The following COL4A6 variants were observed in gnomAD, a reference collection of about 807,000 sequenced individuals.
The protein encoded by COL4A6 is collagen alpha-6(IV) chain.
COL4A6 carries 59 observed loss-of-function variants against 126.7 expected under a neutral mutation model. The observed-to-expected ratio is 0.47, with a 90% CI of 0.38 to 0.58. COL4A6 has a LOEUF of 0.58. COL4A6 is among the 20% of genes least tolerant of loss of function. The pLI, the probability that COL4A6 is intolerant of heterozygous loss-of-function variation, is 0.00. For synonymous variants in COL4A6, 547 were observed against 496.6 expected, an observed-to-expected ratio of 1.10 and a Z score of -1.35; for missense variants, 1,285 against 1,337.3, an observed-to-expected ratio of 0.96 and a Z score of 0.61.
Position 108,318,141 on chromosome X carries a change from G to T in COL4A6, c.64-7313C>A, listed in dbSNP as rs1439406571. 2.7e-5 allele frequency among the ~76,000 whole-genome samples: 3 copies of T among 111,778 alleles called. No individual in the cohort carries two copies. In the East Asian group the frequency reaches 8.4e-4, roughly 31 times the overall value. ...CAAAAACCACATGTTTATCTCAATA[G>T]ATGCAGAAAAGGCCTTTGACAAAAT... is the stretch of plus-strand genomic sequence containing the variant. On this transcript the variant is annotated intron_variant, in intron 2 of 44. Coordinates refer to ENST00000334504, the MANE Select transcript of COL4A6 (RefSeq NM_033641.4).
intron 2 of COL4A6, among the ~76,000 whole-genome samples, chrX:108,414,642 AG>A (rs1221430264): frequency 9.3e-6 from 1 of 107,258 alleles, no homozygotes; most frequent in Admixed American, 1.0e-4. Context: ...AAAAAGAAGA[AG>A]AAGCTGAGCA....
intron 3 of COL4A6, among the ~76,000 whole-genome samples, chrX:108,252,380 C>G (rs1336615469): frequency 9.0e-6 from 1 of 111,612 alleles, no homozygotes; most frequent in Non-Finnish European, 1.9e-5. Flanking sequence ...ATTCATTTAA[C>G]CTTTGATGAA....
At chrX:108,425,443 T>C (rs2064059559) in intron 2 of COL4A6, among the ~76,000 whole-genome samples, 1 of 110,494 alleles carries the variant, frequency 9.1e-6, no homozygotes. Context: ...AAGACTTCTA[T>C]AGCTCTCAGG....
At chrX:108,207,723 T>C (rs2035588858) in intron 8 of COL4A6, among the ~76,000 whole-genome samples, 1 of 111,696 alleles carries the variant, frequency 9.0e-6, no homozygotes, top group Non-Finnish European at 1.9e-5. Flanking sequence ...ACTTTTTACA[T>C]AGTATTTACA....
intron 3 of COL4A6, among the ~76,000 whole-genome samples, chrX:108,232,273 TTCCCTTTTGTGA>T (rs1352689455): frequency 8.9e-6 from 1 of 112,038 alleles, no homozygotes; most frequent in Non-Finnish European, 1.9e-5. Flanking sequence ...CATATCAAAC[TTCCCTTTTGTGA>T]TATTTAATGG....
intron 2 of COL4A6, among the ~76,000 whole-genome samples, chrX:108,420,606 C>T (rs1358072791): frequency 8.9e-6 from 1 of 111,780 alleles, no homozygotes; most frequent in African/African-American, 3.3e-5. Flanking sequence ...CCTTAAAATA[C>T]TGTAGGATTC....
At chrX:108,369,670 T>C (rs1401256092) in intron 2 of COL4A6, among the ~76,000 whole-genome samples, 1 of 112,272 alleles carries the variant, frequency 8.9e-6, no homozygotes, top group African/African-American at 3.2e-5. Flanking sequence ...AACCTAAGGA[T>C]TGCAAATGGT....
At chrX:108,263,938 T>C (rs900394974) in intron 3 of COL4A6, among the ~76,000 whole-genome samples, 1 of 111,394 alleles carries the variant, frequency 9.0e-6, no homozygotes, top group Non-Finnish European at 1.9e-5. Flanking sequence ...TGTGGCCTCA[T>C]AATTCTTCTC....
At position 108,438,309 on chromosome X, in the gene COL4A6, A is replaced by G; in HGVS notation, c.-113T>C. ...GCTGTTTCCTTACTCAGAACAGAGT[A>G]GGTGGACGAAGTGGCCCAGTTTGGA... On this transcript the variant is annotated 5_prime_UTR_variant, in exon 1 of 45. Transcript: ENST00000334504. 9.1e-7 allele frequency: 1 copy of G among 1,100,015 alleles called. No individual in the cohort carries two copies. The highest frequency in any genetic ancestry group is 1.2e-6 in the Non-Finnish European group (1 of 842,314). The allele number at this position is 1,100,015 out of a possible 1,213,427, so 90.7% of individuals were successfully genotyped here. A position where few individuals can be genotyped will look rare whatever the true frequency, so the allele number is the denominator to read the frequency against.
At chrX:108,379,435 CTTTTTTT>C (rs1163909665) in intron 2 of COL4A6, among the ~76,000 whole-genome samples, 22 of 76,957 alleles carry the variant, frequency 2.9e-4, no homozygotes, top group African/African-American at 7.9e-4. Context: ...AATTAAAAAA[CTTTTTTT>C]TTTTTTTTTT....
intron 3 of COL4A6, among the ~76,000 whole-genome samples, chrX:108,307,434 T>C (rs958626327): frequency 8.9e-6 from 1 of 112,315 alleles, no homozygotes; most frequent in Non-Finnish European, 1.9e-5. Context: ...TAGGGACTTT[T>C]ACCAGGCAGG....
chrX:108,340,839 G>A (rs1410616610), intron 2 of COL4A6, among the ~76,000 whole-genome samples: 1 of 26,491 alleles, frequency 3.8e-5, no homozygotes, highest in African/African-American at 1.2e-4. Context: ...CTAGTGGGGT[G>A]GGGGGGGGGA....
chrX:108,176,189 G>A (rs1384633528), intron 28 of COL4A6, among the ~76,000 whole-genome samples: 1 of 109,454 alleles, frequency 9.1e-6, no homozygotes, highest in African/African-American at 3.3e-5. Context: ...GCTGGGCGTG[G>A]TAGCGGGTGC....
At chrX:108,288,492 G>A (rs1174744739) in intron 3 of COL4A6, among the ~76,000 whole-genome samples, 1 of 111,496 alleles carries the variant, frequency 9.0e-6, no homozygotes, top group Non-Finnish European at 1.9e-5. Flanking sequence ...ACTAGGCTAA[G>A]TTCTAGACAT....
intron 2 of COL4A6, among the ~76,000 whole-genome samples, chrX:108,426,441 T>C (rs763573309): frequency 9.0e-6 from 1 of 111,507 alleles, no homozygotes; most frequent in Non-Finnish European, 1.9e-5. Context: ...AATGGCAAAC[T>C]AGCCTTATTG....
intron 2 of COL4A6, among the ~76,000 whole-genome samples, chrX:108,343,163 A>AGTGTGTG (rs1417437971): frequency 1.3e-3 from 41 of 32,474 alleles, no homozygotes; most frequent in African/African-American, 3.0e-3. Context: ...ATATATATAT[A>AGTGTGTG]TAGTGTGTGT....
At position 108,159,500 on chromosome X, in the gene COL4A6, C is replaced by T. The variant is rs760770954; in HGVS notation, c.4774G>A (p.Gly1592Ser). ...TACCCAATCCAGAGGCTGCGCCAGC[C>T]CAGGGGGCACTGCGGGATGGTGATG... ...QDITIPQCPLGWRSLWIGYSF... is the reference protein window; with the variant it reads ...QDITIPQCPLSWRSLWIGYSF... Residue 1592 changes from glycine to serine, a missense_variant, in exon 44 of 45, where the codon GGC becomes AGC. Transcript: ENST00000334504. 1 of 1,210,982 alleles carries T rather than the reference C, an allele frequency of 8.3e-7. No individual in the cohort carries two copies. Among genetic ancestry groups the T allele is most frequent in the South Asian group, 1.8e-5 (1 of 56,873 alleles).
At chrX:108,288,807 A>T (rs1192302083) in intron 3 of COL4A6, among the ~76,000 whole-genome samples, 2 of 111,363 alleles carry the variant, frequency 1.8e-5, no homozygotes, top group Non-Finnish European at 3.8e-5. Context: ...GGAGAAATAT[A>T]TTGGGCGCCA....
At chrX:108,280,568 A>G (rs1602996973) in intron 3 of COL4A6, among the ~76,000 whole-genome samples, 1 of 111,990 alleles carries the variant, frequency 8.9e-6, no homozygotes, top group Admixed American at 9.4e-5. Context: ...CAGAGGTACA[A>G]GGAGGAACTG....
Sources: gnomAD v4.1 joint callset for allele counts (sites outside exome capture counted in the v4.1 genomes callset) on GRCh38, gnomAD v4.1.1 for gene constraint, MANE v1.5 for transcripts, NCBI Gene and HGNC (gene_info 2026-07-23, HGNC 2026-07-21) for gene names.